GNB5: variants seen among roughly 807,000 people sequenced by gnomAD.
GNB5 encodes the protein guanine nucleotide-binding protein subunit beta-5.
A neutral mutation model predicts 55.3 loss-of-function variants in GNB5; 37 were observed. The observed-to-expected ratio is 0.67, with a 90% CI of 0.51 to 0.88. The LOEUF (loss-of-function observed/expected upper bound fraction) is 0.88. Among genes scored for constraint, GNB5 ranks in the 40% least tolerant of loss-of-function variants. The pLI is 0.00. For synonymous variants in GNB5, 219 were observed against 198.5 expected (o/e 1.10, Z -0.87); for missense variants, 476 against 515.3 (o/e 0.92, Z 0.74).
intron 7 of GNB5, 137 bp from the exon 8 acceptor site, chr15:52,135,893 A>ACACACACACACACACACACACACACACC: frequency 1.5e-6 from 1 of 670,794 alleles, no homozygotes; most frequent in African/African-American, 2.1e-5. Context: ...ACACACACAC[A>ACACACACACACACACACACACACACACC]CCCTACCTGC....
At chr15:52,163,680 G>A (rs2034390127) in intron 3 of GNB5, among the ~76,000 whole-genome samples, 1 of 152,200 alleles carries the variant, frequency 6.6e-6, no homozygotes, top group African/African-American at 2.4e-5. Flanking sequence ...GGGTGGTCTG[G>A]ATGAGGGAGG....
chr15:52,157,270 G>A (rs898248786), intron 3 of GNB5, among the ~76,000 whole-genome samples: 23 of 139,316 alleles, frequency 1.7e-4, no homozygotes, highest in Admixed American at 6.6e-4. Context: ...TTTTTGAGTC[G>A]GAGTCTCACT....
chr15:52,121,995 A>T lies in GNB5; in HGVS notation c.*762T>A, dbSNP rs1465992649. On this transcript the variant is annotated 3_prime_UTR_variant, in exon 13 of 13. Coordinates refer to ENST00000261837, the MANE Select transcript of GNB5 (RefSeq NM_016194.4). ...TTTACTATCTTGTGTTCCCACACAG[A>T]AGACTTTTCTTTGCTCTCAGAAGCA... The T allele has an allele frequency of 6.6e-6, 1 of 152,194 alleles. No homozygotes were observed. Among genetic ancestry groups the T allele is most frequent in the Non-Finnish European group, 1.5e-5 (1 of 68,042 alleles). The allele number at this position is 152,194 out of a possible 1,614,324, so 9.4% of individuals were successfully genotyped here.
In GNB5 at chr15:52,171,777, C is replaced by T. The variant is rs530760185; in HGVS notation, c.238+7991G>A. Among the ~76,000 whole-genome samples, 5 of 152,242 alleles carry T rather than the reference C, an allele frequency of 3.3e-5. No individual in the cohort carries two copies. The South Asian group carries it at 1.0e-3, about 32-fold the overall frequency. Reference sequence around the variant, plus strand: ...TCCCTAAGCCATAAATCAGAATAGTCCAAGACTCTAAGCCATAAAGCATTC... The same window carrying T: ...TCCCTAAGCCATAAATCAGAATAGTTCAAGACTCTAAGCCATAAAGCATTC... On this transcript the variant is annotated intron_variant, in intron 3 of 12. Transcript: ENST00000261837.
intron 11 of GNB5, chr15:52,125,699 C>T (rs906160120): frequency 1.1e-5 from 4 of 360,784 alleles, no homozygotes; most frequent in Non-Finnish European, 2.0e-5. Flanking sequence ...TCTGACACTT[C>T]ATTGCCTTGA....
rs1161503267 is a variant in GNB5, at chr15:52,131,068, C to T, written c.863+2310G>A. Among the ~76,000 whole-genome samples the T allele has an allele frequency of 3.3e-5, 5 of 152,172 alleles. 1 individual carries two copies. Among genetic ancestry groups the T allele is most frequent in the South Asian group, 4.1e-4 (2 of 4,830 alleles). ...CTCAAACTCCTGACCTAAAGTGATC[C>T]GCCCACCTCGGCCTCCCAAAGTGCT... is the stretch of plus-strand genomic sequence containing the variant. On this transcript the variant is annotated intron_variant, in intron 9 of 12. Transcript: ENST00000261837.
intron 2 of GNB5, chr15:52,180,486 G>T (rs4776010): frequency 0.19 from 28,248 of 152,244 alleles, 2,874 homozygotes; most frequent in Admixed American, 0.27. Context: ...TAGTTGCTGG[G>T]TTCTCAGACG....
chr15:52,184,500 C>A, intron 2 of GNB5, 51 bp downstream of exon 2: 1 of 1,541,632 alleles, frequency 6.5e-7, no homozygotes, highest in Non-Finnish European at 9.0e-7. Context: ...ACAGGACCCT[C>A]GCTTGACTGT....
intron 3 of GNB5, among the ~76,000 whole-genome samples, chr15:52,167,372 A>T (rs1329366792): frequency 1.3e-5 from 2 of 152,116 alleles, no homozygotes; most frequent in African/African-American, 4.8e-5. Context: ...GAGACACAAC[A>T]AAAAAAGAAA....
chr15:52,173,547 A>C (rs2034592239), intron 3 of GNB5, among the ~76,000 whole-genome samples: 1 of 152,236 alleles, frequency 6.6e-6, no homozygotes, highest in African/African-American at 2.4e-5. Flanking sequence ...AAGCTCACCA[A>C]GATGGCCAGT....
chr15:52,138,340 G>A lies in GNB5; in HGVS notation c.628-2584C>T, dbSNP rs558625867. 9.4e-5 allele frequency: 15 copies of A among 158,770 alleles called. No individual in the cohort carries two copies. In the South Asian group the frequency reaches 1.3e-3, roughly 14 times the overall value. The allele number at this position is 158,770 out of a possible 1,614,324, so 9.8% of individuals were successfully genotyped here. A position where few individuals can be genotyped will look rare whatever the true frequency, so the allele number is the denominator to read the frequency against. On this transcript the variant is annotated intron_variant, in intron 7 of 12. Coordinates refer to ENST00000261837, the MANE Select transcript of GNB5 (RefSeq NM_016194.4). ...GGAGGTTGCAGTGAGCTGAGATCAC[G>A]CCACTGTACTCCAGCCTGGGCAACA... is the stretch of plus-strand genomic sequence containing the variant.
intron 3 of GNB5, among the ~76,000 whole-genome samples, chr15:52,172,517 T>C (rs540824769): frequency 1.3e-5 from 2 of 152,156 alleles, no homozygotes; most frequent in South Asian, 4.2e-4. Context: ...CGGTGGCTCA[T>C]GCCTGTAATC....
intron 9 of GNB5, chr15:52,128,711 A>G: frequency 2.2e-6 from 1 of 460,618 alleles, no homozygotes; most frequent in Admixed American, 2.3e-5. Context: ...AAGTGAGAGT[A>G]ATAATGCATA....
intron 9 of GNB5, 177 bp from the exon 10 acceptor site, chr15:52,128,421 T>A: frequency 3.2e-6 from 2 of 622,848 alleles, no homozygotes; most frequent in Non-Finnish European, 5.8e-6. Context: ...TTTTCTTCCC[T>A]GTTAGTGGGG....
intron 7 of GNB5, chr15:52,138,065 C>T: frequency 2.7e-6 from 2 of 741,744 alleles, no homozygotes; most frequent in Non-Finnish European, 4.1e-6. Flanking sequence ...CCTTTGCCCC[C>T]TTTCCCTTTT....
At chr15:52,127,924 T>C (rs1333808133) in intron 10 of GNB5, among the ~76,000 whole-genome samples, 2 of 151,778 alleles carry the variant, frequency 1.3e-5, no homozygotes, top group Non-Finnish European at 2.9e-5. Flanking sequence ...TGGAGAGAAA[T>C]ATTTACCAGC....
intron 8 of GNB5, among the ~76,000 whole-genome samples, chr15:52,134,833 A>G (rs372997312): frequency 6.6e-6 from 1 of 152,094 alleles, no homozygotes; most frequent in South Asian, 2.1e-4. Context: ...CAGCTGGCCC[A>G]GCTCTCTGTC....
At chr15:52,128,928 G>A (rs562192624) in intron 9 of GNB5, 1 of 296,130 alleles carries the variant, frequency 3.4e-6, no homozygotes, top group African/African-American at 2.3e-5. Flanking sequence ...ACCCAGCTGT[G>A]TTCCCCACAC....
intron 11 of GNB5, chr15:52,125,333 G>C (rs944700060): frequency 1.3e-5 from 2 of 152,490 alleles, no homozygotes; most frequent in African/African-American, 4.8e-5. Flanking sequence ...CCAGGGTGGA[G>C]TGCAGTGGCA....
Sources: allele counts gnomAD v4.1 joint callset (sites outside exome capture counted in the v4.1 genomes callset), GRCh38; gene constraint gnomAD v4.1.1; transcripts MANE v1.5; gene names NCBI Gene and HGNC (gene_info 2026-07-23, HGNC 2026-07-21).